Variants in PTGER3 observed in about 807,000 individuals in gnomAD.
The protein encoded by PTGER3 is prostaglandin E receptor 3, also known as prostaglandin E2 receptor EP3 subtype.
In PTGER3, 22 loss-of-function variants were observed where a neutral mutation model predicts 34.7. The ratio of observed to expected loss-of-function variants is 0.63; its 90% confidence interval spans 0.45 to 0.91. PTGER3 has a LOEUF of 0.91. Among genes scored for constraint, PTGER3 ranks in the 40% least tolerant of loss-of-function variants. The pLI, the probability that PTGER3 is intolerant of heterozygous loss-of-function variation, is 0.00. For synonymous variants in PTGER3, 241 were observed against 230.1 expected (o/e 1.05, Z -0.43); for missense variants, 468 against 519.4 (o/e 0.90, Z 0.96).
chr1:70,964,085 A>C (rs1055518611), intron 2 of PTGER3, among the ~76,000 whole-genome samples: 1 of 152,076 alleles, frequency 6.6e-6, no homozygotes, highest in Non-Finnish European at 1.5e-5. Context: ...TCCATCTGAG[A>C]CCATGTCAGC....
chr1:70,917,403 T>TGTGTGTG (rs1647199801), intron 4 of PTGER3, among the ~76,000 whole-genome samples: 1 of 136,278 alleles, frequency 7.3e-6, no homozygotes, highest in Non-Finnish European at 1.6e-5. Context: ...GTATTTTATT[T>TGTGTGTG]TGTGTGTGTG....
rs781462565 is a variant in PTGER3, at chr1:71,047,240, A to G, written c.338T>C (p.Val113Ala). Residue 113 changes from valine to alanine, a missense_variant, in exon 1 of 4, where the codon GTG (valine) becomes GCG (alanine). This residue lies in a region of PTGER3 where 53 missense variants were observed against 93.9 expected (regional missense o/e 0.56). Transcript: ENST00000306666. ...CTCCCAACGCTGCTTGGACAGGTAC[A>G]CGACGATGACGACCGGGGTGGTGAG... ...QLLTTPVVIVVYLSKQRWEHI... is the reference protein window; with the variant it reads ...QLLTTPVVIVAYLSKQRWEHI... The G allele has an allele frequency of 6.3e-7, 1 of 1,594,500 alleles. No homozygotes were observed. The highest frequency in any genetic ancestry group is 1.1e-5 in the South Asian group (1 of 88,448).
At chr1:71,034,986 T>G (rs755561100) in intron 1 of PTGER3, among the ~76,000 whole-genome samples, 2 of 152,074 alleles carry the variant, frequency 1.3e-5, no homozygotes. Context: ...TTAAAAAAAG[T>G]ATGTGTGAGA....
At position 70,980,506 on chromosome 1, in the gene PTGER3, G is replaced by A. The variant is rs189480805; in HGVS notation, c.1078-6118C>T. ...TTAATGCAGGCTGCCCATTATGTCT[G>A]TAATCCCAGTGCTTTGGGAGACCTA... On this transcript the variant is annotated intron_variant, in intron 2 of 3. Transcript: ENST00000306666. 1.2e-3 allele frequency among the ~76,000 whole-genome samples: 180 copies of A among 152,158 alleles called. 1 individual carries two copies. Among genetic ancestry groups the A allele is most frequent in the African/African-American group, 4.2e-3 (176 of 41,488 alleles).
At chr1:70,991,434 C>T (rs1655469765) in intron 2 of PTGER3, among the ~76,000 whole-genome samples, 1 of 152,144 alleles carries the variant, frequency 6.6e-6, no homozygotes, top group African/African-American at 2.4e-5. Context: ...ACTTTCATTA[C>T]ACTCTCTGAG....
Position 70,952,768 on chromosome 1 carries a change from G to C in PTGER3, c.*139C>G, listed in dbSNP as rs1004062667. ...TGCCCATGTTTGCCCAAATGACCTG[G>C]CTTGCTGGTAATCTCCCACCTTTCC... On this transcript the variant is annotated 3_prime_UTR_variant, in exon 4 of 4. Transcript: ENST00000356595. 4.5e-6 allele frequency: 6 copies of C among 1,319,762 alleles called. No individual in the cohort carries two copies. The East Asian group carries it at 1.7e-4, about 37-fold the overall frequency. 81.8% of individuals were successfully genotyped at this position (1,319,762 alleles called of 1,614,324 possible). A position where few individuals can be genotyped will look rare whatever the true frequency, so the allele number is the denominator to read the frequency against.
intron 4 of PTGER3, among the ~76,000 whole-genome samples, chr1:70,925,830 C>T (rs756175423): frequency 1.4e-4 from 22 of 151,976 alleles, no homozygotes; most frequent in Admixed American, 3.9e-4. Flanking sequence ...GGATGTAAGT[C>T]GGTAGTGGCT....
intron 2 of PTGER3, among the ~76,000 whole-genome samples, chr1:71,001,098 T>C (rs1367201209): frequency 6.6e-6 from 1 of 152,158 alleles, no homozygotes; most frequent in Admixed American, 6.6e-5. Context: ...GGGGTAGGGT[T>C]AGAATGGGGA....
downstream of PTGER3, among the ~76,000 whole-genome samples, chr1:70,969,990 G>T (rs1261691201): frequency 6.6e-6 from 1 of 151,908 alleles, no homozygotes; most frequent in Non-Finnish European, 1.5e-5. Flanking sequence ...CAGAGTCACA[G>T]AGCTTGTGAG....
chr1:70,879,419 G>A (rs1425898704), intron 4 of PTGER3, among the ~76,000 whole-genome samples: 1 of 152,010 alleles, frequency 6.6e-6, no homozygotes, highest in East Asian at 1.9e-4. Flanking sequence ...GCTAATTTTT[G>A]TATTTTTAGT....
chr1:71,032,333 C>T (rs954941972), intron 1 of PTGER3, among the ~76,000 whole-genome samples: 3 of 152,232 alleles, frequency 2.0e-5, no homozygotes, highest in African/African-American at 7.2e-5. Context: ...TCATACTAGT[C>T]TTTGAAAATG....
chr1:70,959,874 A>G (rs138634722), intron 2 of PTGER3, among the ~76,000 whole-genome samples: 1,759 of 152,214 alleles, frequency 0.012, 33 homozygotes, highest in African/African-American at 0.041. Flanking sequence ...TCAAATTCAT[A>G]TATTGAAGTC....
chr1:70,915,710 G>T (rs183587052), intron 4 of PTGER3, among the ~76,000 whole-genome samples: 1 of 151,918 alleles, frequency 6.6e-6, no homozygotes, highest in Admixed American at 6.6e-5. Flanking sequence ...TCTGAATAGG[G>T]TGTCCTTTCC....
downstream of PTGER3, among the ~76,000 whole-genome samples, chr1:70,967,549 T>G: frequency 6.6e-6 from 1 of 151,552 alleles, no homozygotes; most frequent in African/African-American, 2.4e-5. Flanking sequence ...AATAAAATAG[T>G]CAGTAAAAGC....
chr1:71,043,898 CCT>C (rs1158147803), intron 1 of PTGER3, among the ~76,000 whole-genome samples: 2 of 151,094 alleles, frequency 1.3e-5, no homozygotes, highest in African/African-American at 4.9e-5. Context: ...CTCACAGCAA[CCT>C]CTGTCTCCCT....
At chr1:71,020,175 A>G (rs1658276064) in intron 1 of PTGER3, among the ~76,000 whole-genome samples, 1 of 152,180 alleles carries the variant, frequency 6.6e-6, no homozygotes, top group South Asian at 2.1e-4. Flanking sequence ...CCAGTTGTCA[A>G]ATCATCTCTG....
intron 4 of PTGER3, among the ~76,000 whole-genome samples, chr1:70,881,335 A>G (rs1489565497): frequency 6.6e-6 from 1 of 152,212 alleles, no homozygotes; most frequent in East Asian, 1.9e-4. Context: ...TTTAGATTCC[A>G]TGGATTAGGA....
In PTGER3 at chr1:70,888,317, G is replaced by A. The variant is rs140401666; in HGVS notation, c.*24-35458C>T. Among the ~76,000 whole-genome samples, 674 of 152,208 alleles carry A rather than the reference G, an allele frequency of 4.4e-3. 4 individuals carry two copies. Among genetic ancestry groups the A allele is most frequent in the African/African-American group, 0.016 (650 of 41,528 alleles). ...GCTTCTGGAGACAATTAAAGAGAGG[G>A]TTAGGGAAGTTCAGGAACATCAAAA... is the stretch of plus-strand genomic sequence containing the variant. On this transcript the variant is annotated intron_variant, in intron 4 of 4. Coordinates refer to the PTGER3 transcript ENST00000370931.
chr1:71,014,885 C>A (rs563948142), intron 1 of PTGER3, among the ~76,000 whole-genome samples: 21 of 152,306 alleles, frequency 1.4e-4, no homozygotes, highest in African/African-American at 4.8e-4. Context: ...GTGATCAAAT[C>A]CTCTCCAACT....
Sources: allele counts gnomAD v4.1 joint callset (sites outside exome capture counted in the v4.1 genomes callset), GRCh38; gene constraint gnomAD v4.1.1; regional missense constraint gnomAD v4.1.1; transcripts MANE v1.5; gene names NCBI Gene and HGNC (gene_info 2026-07-23, HGNC 2026-07-21).